Variants in SPMIP2 observed in about 807,000 individuals in gnomAD.
SPMIP2 encodes the protein protein SPMIP2.
At chr4:158,900,836 T>A in the SPMIP2 span, among the ~76,000 whole-genome samples, 102 of 152,308 alleles carry the variant, frequency 6.7e-4, no homozygotes, top group African/African-American at 2.4e-3. Context: ...CGTATTTGAT[T>A]TAAGGTTAAT....
At chr4:158,988,922 C>T in the SPMIP2 span, among the ~76,000 whole-genome samples, 1 of 152,174 alleles carries the variant, frequency 6.6e-6, no homozygotes, top group East Asian at 1.9e-4. Context: ...AGGGTATTCA[C>T]ATAGGAAGAG....
the SPMIP2 span, among the ~76,000 whole-genome samples, chr4:158,894,604 G>A: frequency 9.9e-4 from 150 of 152,126 alleles, no homozygotes; most frequent in African/African-American, 3.5e-3. Flanking sequence ...AAACAGAAAG[G>A]GTTCAATGTA....
the SPMIP2 span, among the ~76,000 whole-genome samples, chr4:159,065,510 G>C: frequency 6.6e-6 from 1 of 152,138 alleles, no homozygotes; most frequent in African/African-American, 2.4e-5. Context: ...TTGCAGTCAG[G>C]AGTTTGAGAC....
chr4:159,002,709 G>A, the SPMIP2 span, among the ~76,000 whole-genome samples: 2 of 151,946 alleles, frequency 1.3e-5, no homozygotes, highest in Non-Finnish European at 2.9e-5. Flanking sequence ...ATTTGTAAAA[G>A]ACTATCACTT....
chr4:158,994,319 AT>A, the SPMIP2 span, among the ~76,000 whole-genome samples: 1 of 152,252 alleles, frequency 6.6e-6, no homozygotes, highest in Non-Finnish European at 1.5e-5. Context: ...ATATAAAGTC[AT>A]ATTGGGTGAG....
the SPMIP2 span, among the ~76,000 whole-genome samples, chr4:158,994,943 A>G: frequency 2.0e-5 from 3 of 152,212 alleles, no homozygotes; most frequent in African/African-American, 7.2e-5. Flanking sequence ...AGTTGGTACA[A>G]TTATGCAATG....
At chr4:158,950,356 A>G in the SPMIP2 span, among the ~76,000 whole-genome samples, 1 of 152,208 alleles carries the variant, frequency 6.6e-6, no homozygotes, top group Non-Finnish European at 1.5e-5. Flanking sequence ...AATTTCCTCT[A>G]AGGAAGTCCT....
chr4:159,072,215 G>C, the SPMIP2 span, among the ~76,000 whole-genome samples: 23 of 152,166 alleles, frequency 1.5e-4, no homozygotes, highest in Non-Finnish European at 3.1e-4. Context: ...TCAGGAATCT[G>C]AGGTCAGAGG....
the SPMIP2 span, among the ~76,000 whole-genome samples, chr4:159,028,441 T>C: frequency 2.0e-5 from 3 of 152,144 alleles, no homozygotes; most frequent in African/African-American, 7.2e-5. Context: ...AGCTATCCTC[T>C]GGCTTAGCCT....
chr4:158,901,127 AAT>A, the SPMIP2 span, among the ~76,000 whole-genome samples: 2 of 108,528 alleles, frequency 1.8e-5, no homozygotes, highest in Non-Finnish European at 3.7e-5. Flanking sequence ...TCTGGGTTGA[AAT>A]TTTTTTTTTT....
At chr4:159,013,179 A>T in the SPMIP2 span, among the ~76,000 whole-genome samples, 5 of 152,214 alleles carry the variant, frequency 3.3e-5, 2 homozygotes, top group Admixed American at 3.3e-4. Flanking sequence ...AGGTATGGTG[A>T]TTCCTCAAAA....
the SPMIP2 span, among the ~76,000 whole-genome samples, chr4:158,936,247 G>A: frequency 7.9e-4 from 121 of 152,298 alleles, 1 homozygote; most frequent in Non-Finnish European, 1.1e-3. Context: ...GAAAATCACT[G>A]TTTGTTTGAG....
the SPMIP2 span, among the ~76,000 whole-genome samples, chr4:159,062,956 G>T: frequency 6.7e-6 from 1 of 149,370 alleles, no homozygotes; most frequent in Admixed American, 6.8e-5. Flanking sequence ...GCCTTCCAAA[G>T]AGCCGGGATT....
chr4:158,897,343 T>C, the SPMIP2 span, among the ~76,000 whole-genome samples: 1 of 152,228 alleles, frequency 6.6e-6, no homozygotes, highest in Non-Finnish European at 1.5e-5. Flanking sequence ...TTATAATCCT[T>C]TGGGTATATA....
At chr4:159,059,698 G>A in the SPMIP2 span, among the ~76,000 whole-genome samples, 1 of 152,338 alleles carries the variant, frequency 6.6e-6, no homozygotes, top group East Asian at 1.9e-4. Flanking sequence ...ATGCAGGTGA[G>A]TTTTGTGAAG....
At chr4:158,909,137 G>T in the SPMIP2 span, among the ~76,000 whole-genome samples, 1 of 151,886 alleles carries the variant, frequency 6.6e-6, no homozygotes, top group African/African-American at 2.4e-5. Context: ...TTTATTTTAG[G>T]TTAATAAAGG....
chr4:159,035,626 C>T, the SPMIP2 span, among the ~76,000 whole-genome samples: 8 of 152,034 alleles, frequency 5.3e-5, no homozygotes, highest in African/African-American at 1.4e-4. Flanking sequence ...AGATATATTT[C>T]CAGTCTCATA....
At chr4:158,901,128 A>T in the SPMIP2 span, among the ~76,000 whole-genome samples, 7 of 112,296 alleles carry the variant, frequency 6.2e-5, no homozygotes, top group East Asian at 4.7e-4. Context: ...CTGGGTTGAA[A>T]TTTTTTTTTT....
At chr4:159,004,039 G>A in the SPMIP2 span, among the ~76,000 whole-genome samples, 3 of 152,016 alleles carry the variant, frequency 2.0e-5, no homozygotes, top group East Asian at 5.8e-4. Context: ...TATTTTTTGA[G>A]TTGGGGTCTC....
Sources: allele counts gnomAD v4.1 joint callset (sites outside exome capture counted in the v4.1 genomes callset), GRCh38; gene constraint gnomAD v4.1.1; transcripts MANE v1.5; gene names NCBI Gene and HGNC (gene_info 2026-07-23, HGNC 2026-07-21).